MYH10: variants seen among roughly 807,000 people sequenced by gnomAD.
The protein encoded by MYH10 is myosin heavy chain 10, also known as myosin-10.
MYH10 carries 55 observed loss-of-function variants against 257.8 expected under a neutral mutation model. The observed-to-expected ratio is 0.21, with a 90% CI of 0.17 to 0.27. The LOEUF is 0.27. Ranked by LOEUF, MYH10 falls within the 10% of genes least tolerant of loss-of-function variation. The pLI, the probability that MYH10 is intolerant of heterozygous loss-of-function variation, is 1.00. For synonymous variants in MYH10, 854 were observed against 921.7 expected (o/e 0.93, Z 1.33); for missense variants, 1,631 against 2,500.6 (o/e 0.65, Z 7.42).
chr17:8,622,380 G>A (rs1289308120), intron 2 of MYH10, among the ~76,000 whole-genome samples: 5 of 152,092 alleles, frequency 3.3e-5, no homozygotes, highest in Admixed American at 6.5e-5. Flanking sequence ...ACCACAGGAC[G>A]ACCCCAGCCA....
chr17:8,508,469 T>A (rs1306256851), intron 26 of MYH10, 85 bp downstream of exon 26: 34 of 1,561,246 alleles, frequency 2.2e-5, no homozygotes, highest in Non-Finnish European at 3.0e-5. Context: ...TCATGTATAT[T>A]TTTTATTTTT....
chr17:8,521,296 G>A lies in MYH10; in HGVS notation c.1958-11C>T. On this transcript the variant is annotated splice_polypyrimidine_tract_variant and intron_variant, in intron 17 of 42. Transcript: ENST00000360416. ...CCACGATACGGTCCACTGGGGAGAA[G>A]AAAGGAGAAAACAAATATAAGCCAA... The A allele has an allele frequency of 6.2e-7, 1 of 1,613,122 alleles. No homozygotes were observed. Among genetic ancestry groups the A allele is most frequent in the Non-Finnish European group, 8.5e-7 (1 of 1,179,100 alleles).
At chr17:8,530,765 C>T in intron 16 of MYH10, 80 bp from the exon 17 acceptor site, 1 of 1,073,444 alleles carries the variant, frequency 9.3e-7, no homozygotes, top group Non-Finnish European at 1.3e-6. Context: ...CATTTGACAG[C>T]ACAAGTCAAC....
At chr17:8,557,713 A>T (rs535514072) in intron 7 of MYH10, among the ~76,000 whole-genome samples, 18 of 152,322 alleles carry the variant, frequency 1.2e-4, no homozygotes, top group African/African-American at 3.6e-4. Context: ...TTTGTGACAA[A>T]CAGGCTCTTG....
At position 8,562,536 on chromosome 17, in the gene MYH10, G is replaced by A. The variant is rs528427231; in HGVS notation, c.756+7184C>T. On this transcript the variant is annotated intron_variant, in intron 7 of 42. Transcript: ENST00000360416. ...AACATTATGTGAAGAAATCTGTGCC[G>A]AAAATGCCCACTCCATAATTGATTT... is the stretch of plus-strand genomic sequence containing the variant. Among the ~76,000 whole-genome samples the A allele has an allele frequency of 5.3e-5, 8 of 152,126 alleles. 1 individual carries two copies. Among genetic ancestry groups the A allele is most frequent in the South Asian group, 4.1e-4 (2 of 4,832 alleles).
chr17:8,589,204 A>T lies in MYH10; in HGVS notation c.503-96T>A, dbSNP rs2084027729. The T allele has an allele frequency of 2.3e-5, 29 of 1,269,288 alleles. No individual in the cohort carries two copies. In the Middle Eastern group the frequency reaches 5.6e-4, roughly 25 times the overall value. 78.6% of individuals were successfully genotyped at this position (1,269,288 alleles called of 1,614,324 possible). Reference sequence around the variant, plus strand: ...ATAAAGTTGCAGTAATAGCCTATAAAATATTAGTAACTACTCCTCTCGAGC... The same window carrying T: ...ATAAAGTTGCAGTAATAGCCTATAATATATTAGTAACTACTCCTCTCGAGC... On this transcript the variant is annotated intron_variant, in intron 3 of 42. Transcript: ENST00000360416.
intron 19 of MYH10, 89 bp downstream of exon 19, chr17:8,520,788 AG>A: frequency 7.1e-7 from 1 of 1,406,606 alleles, no homozygotes; most frequent in Non-Finnish European, 9.6e-7. Flanking sequence ...GTAGGGGACA[AG>A]GAAAAAGATT....
In MYH10 at chr17:8,545,553, G is replaced by A. The variant is rs1402310705; in HGVS notation, c.1326C>T (p.Leu442=). 2 of 1,614,026 alleles carry A rather than the reference G, an allele frequency of 1.2e-6. No homozygotes were observed. The highest frequency in any genetic ancestry group is 1.7e-5 in the Admixed American group (1 of 59,990). ...EALAKATYER[L]FRWLVHRINK... is the part of the protein sequence containing the mutation. The stretch of plus-strand genomic sequence containing the variant: ...TGATGCGATGAACGAGCCAGCGAAA[G>A]AGCCGCTCATAGGTAGCTTTTGCCA... The change falls in exon 13 of 43, where the codon CTC becomes CTT. Residue 442 remains leucine (L), a synonymous_variant. Coordinates refer to ENST00000360416, the MANE Select transcript of MYH10 (RefSeq NM_001256012.3). This position sits in a 1 kb window ranked among gnomAD's most constrained non-coding sequence, Gnocchi z 4.7.
At chr17:8,604,143 C>A (rs2084710125) in intron 3 of MYH10, among the ~76,000 whole-genome samples, 1 of 152,054 alleles carries the variant, frequency 6.6e-6, no homozygotes, top group African/African-American at 2.4e-5. Context: ...ACAAAAAATA[C>A]ATTAAAAAGG....
chr17:8,596,493 T>C (rs973656906), intron 3 of MYH10, among the ~76,000 whole-genome samples: 5 of 152,316 alleles, frequency 3.3e-5, no homozygotes, highest in Admixed American at 6.5e-5. Context: ...GTTTCTTTTA[T>C]AGAATGGCTT....
Position 8,608,810 on chromosome 17 carries a change from ATTTTTTTT to A in MYH10, c.346-3836_346-3829del, listed in dbSNP as rs531809094. ...ATCTTCCTCTGTCTATGATTGGGAA[ATTTTTTTT>A]TTTTTTTTTTTGAGACGGAGTCTCG... is the stretch of plus-strand genomic sequence containing the variant. On this transcript the variant is annotated intron_variant, in intron 2 of 42. Coordinates refer to ENST00000360416, the MANE Select transcript of MYH10 (RefSeq NM_001256012.3). Among the ~76,000 whole-genome samples the A allele has an allele frequency of 2.0e-3, 288 of 140,808 alleles. 2 individuals are homozygous for A. The highest frequency in any genetic ancestry group is 7.2e-3 in the African/African-American group (272 of 37,756). 92.4% of individuals were successfully genotyped at this position (140,808 alleles called of 152,430 possible).
chr17:8,534,100 G>A (rs1188727283), intron 16 of MYH10, among the ~76,000 whole-genome samples: 2 of 152,074 alleles, frequency 1.3e-5, no homozygotes, highest in African/African-American at 2.4e-5. Flanking sequence ...ACTGCCTGTT[G>A]ACAAGGTGAA....
rs762450466 is a variant in MYH10 at position 8,623,193 on chromosome 17, C to T, written c.54G>A (p.Arg18=). 5.0e-6 allele frequency: 8 copies of T among 1,611,110 alleles called. No individual in the cohort carries two copies. In the South Asian group the frequency reaches 8.8e-5, roughly 18 times the overall value. Reference sequence around the variant, plus strand: ...GAGTGGCAGGGTTGTAGATGACAGCCCTGTCCACAAAGAGATACCTCTCTG... The same window carrying T: ...GAGTGGCAGGGTTGTAGATGACAGCTCTGTCCACAAAGAGATACCTCTCTG... ...EDPERYLFVD[R]AVIYNPATQA... The change falls in exon 2 of 43, where the codon AGG becomes AGA. Residue 18 remains arginine, a synonymous_variant. Coordinates refer to ENST00000360416, the MANE Select transcript of MYH10 (RefSeq NM_001256012.3).
intron 6 of MYH10, among the ~76,000 whole-genome samples, chr17:8,571,201 G>T (rs1221565106): frequency 7.3e-6 from 1 of 136,126 alleles, no homozygotes; most frequent in Non-Finnish European, 1.6e-5. Flanking sequence ...TTGAGACGGA[G>T]ACTCACTCTG....
chr17:8,627,652 A>C (rs7219256), intron 1 of MYH10, among the ~76,000 whole-genome samples: 51,951 of 152,148 alleles, frequency 0.34, 11,239 homozygotes, highest in African/African-American at 0.63. Context: ...TTCACTCCAT[A>C]ATACATTGGT....
intron 6 of MYH10, 141 bp downstream of exon 6, chr17:8,576,502 G>T: frequency 1.3e-6 from 1 of 765,164 alleles, no homozygotes; most frequent in Non-Finnish European, 2.1e-6. Flanking sequence ...AAGGCTCTAA[G>T]CAATAAATTT....
intron 7 of MYH10, among the ~76,000 whole-genome samples, chr17:8,567,482 G>A (rs115738394): frequency 9.7e-4 from 148 of 152,262 alleles, no homozygotes; most frequent in African/African-American, 3.1e-3. Flanking sequence ...GCTGAAATGC[G>A]TCCCTGCACA....
At chr17:8,561,009 T>C (rs1444889117) in intron 7 of MYH10, 2 of 537,182 alleles carry the variant, frequency 3.7e-6, no homozygotes, top group Admixed American at 3.1e-5. Context: ...TCATTCTTTC[T>C]GTAGCTCAGG....
intron 2 of MYH10, among the ~76,000 whole-genome samples, chr17:8,609,855 CATT>C (rs776730992): frequency 2.6e-5 from 4 of 151,734 alleles, no homozygotes; most frequent in Admixed American, 6.6e-5. Context: ...GGATAACTAA[CATT>C]AGTTGCTATT....
Sources: allele counts gnomAD v4.1 joint callset (sites outside exome capture counted in the v4.1 genomes callset), GRCh38; gene constraint gnomAD v4.1.1; non-coding constraint Gnocchi (gnomAD v3.1); transcripts MANE v1.5; gene names NCBI Gene and HGNC (gene_info 2026-07-23, HGNC 2026-07-21).